Variants in ADD1 observed in about 807,000 individuals in gnomAD.
ADD1 encodes alpha-adducin.
A neutral mutation model predicts 80.5 loss-of-function variants in ADD1; 24 were observed. The observed-to-expected ratio is 0.30, with a 90% CI of 0.22 to 0.42. The LOEUF (loss-of-function observed/expected upper bound fraction) is 0.42, where lower values mean the gene tolerates loss of function less well. Among genes scored for constraint, ADD1 ranks in the 10% least tolerant of loss-of-function variants. The pLI, the probability that ADD1 is intolerant of heterozygous loss-of-function variation, is 1.00. For synonymous variants in ADD1, 373 were observed against 393.8 expected (o/e 0.95, Z 0.63); for missense variants, 948 against 1,019.0 (o/e 0.93, Z 0.95).
intron 3 of ADD1, 137 bp from the exon 4 acceptor site, chr4:2,884,378 A>G (rs1732894099): frequency 3.8e-6 from 2 of 533,038 alleles, no homozygotes; most frequent in East Asian, 3.1e-5. Context: ...TGCCTTGGCT[A>G]TTCACAGCTG....
rs371437418 is a variant in ADD1, at chr4:2,855,545, C to T, written c.-21+11521C>T. The stretch of plus-strand genomic sequence containing the variant: ...TCTAAAACTAATATTCTGTCGCCCT[C>T]CTAGATACAGCAAAGGCATGAAAGT... On this transcript the variant is annotated intron_variant, in intron 1 of 15. Coordinates refer to ENST00000683351, the MANE Select transcript of ADD1 (RefSeq NM_001354761.2). Among the ~76,000 whole-genome samples, 47 of 151,486 alleles carry T rather than the reference C, an allele frequency of 3.1e-4. 2 individuals are homozygous for T. In the East Asian group the frequency reaches 5.4e-3, roughly 17 times the overall value.
intron 14 of ADD1, among the ~76,000 whole-genome samples, chr4:2,923,745 G>A (rs962578436): frequency 6.6e-5 from 10 of 152,250 alleles, no homozygotes; most frequent in African/African-American, 1.4e-4. Context: ...GCTATTGTGC[G>A]TACATCTCAT....
At chr4:2,881,735 G>C in intron 2 of ADD1, 163 bp from the exon 3 acceptor site, 1 of 475,360 alleles carries the variant, frequency 2.1e-6, no homozygotes, top group Non-Finnish European at 3.7e-6. Context: ...TTCTAGAAAA[G>C]AATGTACCAG....
chr4:2,892,796 G>A (rs1734525410), intron 4 of ADD1, among the ~76,000 whole-genome samples: 1 of 151,186 alleles, frequency 6.6e-6, no homozygotes, highest in African/African-American at 2.4e-5. Flanking sequence ...TTGCGCCACT[G>A]CATTACAGCC....
chr4:2,907,791 C>G lies in ADD1; in HGVS notation c.1555C>G (p.Leu519Val). The change falls in exon 11 of 16, where the codon CTG (leucine) becomes GTG (valine). Residue 519 changes from leucine to valine, a missense_variant. Coordinates refer to ENST00000683351, the MANE Select transcript of ADD1 (RefSeq NM_001354761.2). ...AACTTCCACCTCTGCTGTCCCTAAC[C>G]TGTTTGTTCCATTGAACACTAACCC... ...HRTSTSAVPNLFVPLNTNPKE... is the reference protein window; with the variant it reads ...HRTSTSAVPNVFVPLNTNPKE... 1 of 1,614,090 alleles carries G rather than the reference C, an allele frequency of 6.2e-7. No homozygotes were observed. Among genetic ancestry groups the G allele is most frequent in the Non-Finnish European group, 8.5e-7 (1 of 1,180,016 alleles).
At chr4:2,864,660 C>T (rs1056339326) in intron 1 of ADD1, among the ~76,000 whole-genome samples, 2 of 152,020 alleles carry the variant, frequency 1.3e-5, no homozygotes, top group Non-Finnish European at 2.9e-5. Context: ...CTTATAATCA[C>T]TCTTAGGTGT....
In ADD1 at chr4:2,928,674, C is replaced by A; in HGVS notation, c.*151C>A. The A allele has an allele frequency of 2.6e-6, 2 of 778,346 alleles. No individual in the cohort carries two copies. Among genetic ancestry groups the A allele is most frequent in the African/African-American group, 1.8e-5 (1 of 56,420 alleles). 48.2% of individuals were successfully genotyped at this position (778,346 alleles called of 1,614,324 possible). Reference sequence around the variant, plus strand: ...TCACGTGACCAGCCCCGTGTAGCCCCGGGCTGACCCAGTGTGTGCTCAGCA... The same window carrying A: ...TCACGTGACCAGCCCCGTGTAGCCCAGGGCTGACCCAGTGTGTGCTCAGCA... On this transcript the variant is annotated 3_prime_UTR_variant, in exon 16 of 16. Coordinates refer to ENST00000683351, the MANE Select transcript of ADD1 (RefSeq NM_001354761.2).
Position 2,928,947 on chromosome 4 carries a change from C to G in ADD1, c.*424C>G, listed in dbSNP as rs1712500853. On this transcript the variant is annotated 3_prime_UTR_variant, in exon 16 of 16. Coordinates refer to ENST00000683351, the MANE Select transcript of ADD1 (RefSeq NM_001354761.2). ...AAGTCTCAGGTGACGGACTCAGACTCCTGGCTTCATGTGGCATTCTCTCTG... is the reference window on the plus strand; with the variant it reads ...AAGTCTCAGGTGACGGACTCAGACTGCTGGCTTCATGTGGCATTCTCTCTG... The G allele has an allele frequency of 5.3e-6, 1 of 187,282 alleles. No homozygotes were observed. The highest frequency in any genetic ancestry group is 2.4e-5 in the African/African-American group (1 of 41,844). The allele number at this position is 187,282 out of a possible 1,614,324, so 11.6% of individuals were successfully genotyped here. A position where few individuals can be genotyped will look rare whatever the true frequency, so the allele number is the denominator to read the frequency against.
intron 14 of ADD1, among the ~76,000 whole-genome samples, chr4:2,916,326 G>A (rs945444497): frequency 4.6e-5 from 7 of 151,804 alleles, no homozygotes; most frequent in Admixed American, 1.3e-4. Flanking sequence ...CTCCCGAGTA[G>A]CTGGGACTAC....
chr4:2,899,505 C>T, intron 9 of ADD1, 70 bp downstream of exon 9: 1 of 1,555,986 alleles, frequency 6.4e-7, no homozygotes, highest in Non-Finnish European at 8.8e-7. Context: ...GTTCTTACAG[C>T]AAGTGCGATT....
chr4:2,845,675 C>T (rs1377903826), intron 1 of ADD1, among the ~76,000 whole-genome samples: 1 of 152,040 alleles, frequency 6.6e-6, no homozygotes, highest in African/African-American at 2.4e-5. Flanking sequence ...CCCCTTAATT[C>T]TTTTGATGTT....
rs370209145 is a variant in ADD1 at position 2,887,311 on chromosome 4, C to G, written c.510+2645C>G. On this transcript the variant is annotated intron_variant, in intron 4 of 15. Coordinates refer to ENST00000683351, the MANE Select transcript of ADD1 (RefSeq NM_001354761.2). ...GTGTCAACAAAAAGTGACAGCAGGT[C>G]ATTCTGCCCTTTCTTTGAAAGGGGG... Among the ~76,000 whole-genome samples, 165 of 152,278 alleles carry G rather than the reference C, an allele frequency of 1.1e-3. 1 individual carries two copies. Among genetic ancestry groups the G allele is most frequent in the Admixed American group, 3.5e-3 (54 of 15,296 alleles).
At chr4:2,873,148 A>G (rs1730723700) in intron 1 of ADD1, among the ~76,000 whole-genome samples, 2 of 152,140 alleles carry the variant, frequency 1.3e-5, no homozygotes, top group South Asian at 2.1e-4. Context: ...GCGTGCCCCC[A>G]CGCCCCGCTA....
chr4:2,921,467 ACT>A (rs1740030899), intron 14 of ADD1, among the ~76,000 whole-genome samples: 1 of 151,792 alleles, frequency 6.6e-6, no homozygotes, highest in Non-Finnish European at 1.5e-5. Flanking sequence ...ATTGGCCCCC[ACT>A]CTCTTCTGGC....
chr4:2,882,836 A>G (rs1732584123), intron 3 of ADD1, among the ~76,000 whole-genome samples: 1 of 152,090 alleles, frequency 6.6e-6, no homozygotes, highest in African/African-American at 2.4e-5. Flanking sequence ...CCACTAGGAA[A>G]GTTTTCATGT....
intron 4 of ADD1, among the ~76,000 whole-genome samples, chr4:2,892,831 T>C (rs1231357425): frequency 6.8e-6 from 1 of 146,228 alleles, no homozygotes; most frequent in Non-Finnish European, 1.5e-5. Flanking sequence ...AGACCCCATC[T>C]CAAAAACAAA....
intron 14 of ADD1, among the ~76,000 whole-genome samples, chr4:2,920,826 C>G (rs941457927): frequency 6.6e-6 from 1 of 152,092 alleles, no homozygotes; most frequent in Non-Finnish European, 1.5e-5. Flanking sequence ...GGGCATTTTG[C>G]CCATTTACAT....
chr4:2,912,190 GT>G (rs1738190148), intron 13 of ADD1, among the ~76,000 whole-genome samples: 1 of 152,262 alleles, frequency 6.6e-6, no homozygotes, highest in East Asian at 1.9e-4. Context: ...GGCTTGTCAA[GT>G]GACAGGGAGG....
At chr4:2,925,984 T>A (rs1560264194) in intron 14 of ADD1, 30 bp from the exon 15 acceptor site, 2 of 1,603,686 alleles carry the variant, frequency 1.2e-6, no homozygotes, top group Non-Finnish European at 1.7e-6. Flanking sequence ...CGTCCACAGC[T>A]CCTACCATAT....
Sources: allele counts gnomAD v4.1 joint callset (sites outside exome capture counted in the v4.1 genomes callset), GRCh38; gene constraint gnomAD v4.1.1; transcripts MANE v1.5; gene names NCBI Gene and HGNC (gene_info 2026-07-23, HGNC 2026-07-21).